Variants in CSNK1D observed in about 807,000 individuals in gnomAD.
CSNK1D encodes casein kinase 1 delta.
Under a neutral mutation model 46.6 loss-of-function variants are expected in CSNK1D, and 16 were observed. That is an observed-to-expected ratio of 0.34 (90% CI 0.23 to 0.52). The LOEUF is 0.52. Among genes scored for constraint, CSNK1D ranks in the 20% least tolerant of loss-of-function variants. CSNK1D has a pLI of 0.95. For synonymous variants in CSNK1D, 276 were observed against 228.2 expected (o/e 1.21, Z -1.89); for missense variants, 398 against 578.4 (o/e 0.69, Z 3.20).
At chr17:82,259,893 AACTGATGGTGTACTGAGTGATGTG>A (rs1025214438) in intron 2 of CSNK1D, among the ~76,000 whole-genome samples, 8 of 152,130 alleles carry the variant, frequency 5.3e-5, no homozygotes, top group African/African-American at 7.3e-5. Context: ...GATCCATCTG[AACTGATGGTGTACTGAGTGATGTG>A]ACTGATGGTG....
rs1455080175 is a variant in CSNK1D, at chr17:82,250,034, G to A, written c.886-432C>T. On this transcript the variant is annotated intron_variant, in intron 6 of 8. Coordinates refer to ENST00000314028, the MANE Select transcript of CSNK1D (RefSeq NM_001893.6). The surrounding 1 kb of genome is among the most constrained non-coding windows in gnomAD (Gnocchi z 4.6). ...TGGGGATGAGAGCGTTTGGTCGGAC[G>A]AGGAGTACACTCAGGGTCCGGACCC... 4 of 1,257,246 alleles carry A rather than the reference G, an allele frequency of 3.2e-6. No homozygotes were observed. Among genetic ancestry groups the A allele is most frequent in the Admixed American group, 2.5e-5 (1 of 39,954 alleles). The allele number at this position is 1,257,246 out of a possible 1,614,324, so 77.9% of individuals were successfully genotyped here.
chr17:82,247,741 C>T (rs1022973234), intron 8 of CSNK1D: 2 of 985,422 alleles, frequency 2.0e-6, no homozygotes, highest in African/African-American at 1.7e-5. Context: ...GACCCATTCT[C>T]GTGACGCAGC....
At position 82,265,743 on chromosome 17, in the gene CSNK1D, T is replaced by C. The variant is rs104894561; in HGVS notation, c.130A>G (p.Thr44Ala). 1.9e-6 allele frequency: 3 copies of C among 1,613,994 alleles called. No homozygotes were observed. The highest frequency in any genetic ancestry group is 2.5e-6 in the Non-Finnish European group (3 of 1,180,020). ...EVAIKLECVK[T>A]KHPQLHIESK... ...TCAATGTGGAGCTGAGGGTGTTTGG[T>C]TTTGACACATTCAAGCTTGATGGCA... The change falls in exon 2 of 9, where the codon ACC (threonine) becomes GCC (alanine). Residue 44 changes from threonine (T) to alanine (A), a missense_variant. Thr to Ala is a moderately conservative substitution (Grantham distance 58). Around this residue, in one of 2 missense-constraint regions of CSNK1D, gnomAD observed 217 missense variants for 370.3 expected, o/e 0.59. Transcript: ENST00000314028.
At chr17:82,262,156 A>G (rs1324229597) in intron 2 of CSNK1D, among the ~76,000 whole-genome samples, 1 of 152,168 alleles carries the variant, frequency 6.6e-6, no homozygotes, top group African/African-American at 2.4e-5. Flanking sequence ...TCAGGTATTG[A>G]ATCTATTGTC....
chr17:82,249,459 G>T lies in CSNK1D; in HGVS notation c.1029C>A (p.Pro343=), dbSNP rs1483921891. 16 of 1,539,776 alleles carry T rather than the reference G, an allele frequency of 1.0e-5. No individual in the cohort carries two copies. The highest frequency in any genetic ancestry group is 3.9e-5 in the Admixed American group (2 of 50,948). The change falls in exon 7 of 9, where the codon CCC becomes CCA. Residue 343 remains proline, a synonymous_variant. Coordinates refer to ENST00000314028, the MANE Select transcript of CSNK1D (RefSeq NM_001893.6). This position sits in a 1 kb window ranked among gnomAD's most constrained non-coding sequence, Gnocchi z 6.7. ...RLRGTQEVAP[P]TPLTPTSHTA... is the part of the protein sequence containing the mutation. ...TGTGTGAGGTAGGGGTGAGGGGTGTGGGGGGAGCCACTTCCTGCGTCCCCC... is the reference window on the plus strand; with the variant it reads ...TGTGTGAGGTAGGGGTGAGGGGTGTTGGGGGAGCCACTTCCTGCGTCCCCC...
intron 2 of CSNK1D, chr17:82,261,098 G>T (rs947313610): frequency 6.5e-6 from 1 of 155,000 alleles, no homozygotes; most frequent in Non-Finnish European, 1.5e-5. Flanking sequence ...TTTGTTAGCT[G>T]TAAGTAACAA....
At chr17:82,240,731 G>A (rs941387704), downstream of CSNK1D, among the ~76,000 whole-genome samples, 3 of 152,184 alleles carry the variant, frequency 2.0e-5, no homozygotes, top group Non-Finnish European at 2.9e-5. Context: ...CTGAGGGACC[G>A]TGCTCAGTGA....
intron 2 of CSNK1D, among the ~76,000 whole-genome samples, chr17:82,256,747 T>C (rs2051184969): frequency 6.6e-6 from 1 of 151,988 alleles, no homozygotes; most frequent in Non-Finnish European, 1.5e-5. Context: ...CGTCCTTTGG[T>C]CCTATTTTTT....
rs1320515466 is a variant in CSNK1D, at chr17:82,255,172, G to C, written c.336+257C>G. ...GTGAGCTGGGCCGCCGGAGCCTCGA[G>C]AAGCCAGTGAGCTGGGCCGCCGGAG... On this transcript the variant is annotated intron_variant, in intron 3 of 8. Coordinates refer to ENST00000314028, the MANE Select transcript of CSNK1D (RefSeq NM_001893.6). The surrounding 1 kb of genome is among the most constrained non-coding windows in gnomAD (Gnocchi z 5.9). 1.9e-6 allele frequency: 1 copy of C among 513,474 alleles called. No individual in the cohort carries two copies. Among genetic ancestry groups the C allele is most frequent in the African/African-American group, 2.0e-5 (1 of 49,468 alleles). 31.8% of individuals were successfully genotyped at this position (513,474 alleles called of 1,614,324 possible).
downstream of CSNK1D, among the ~76,000 whole-genome samples, chr17:82,240,320 C>T (rs561614384): frequency 2.0e-4 from 30 of 152,000 alleles, no homozygotes; most frequent in Non-Finnish European, 3.5e-4. Context: ...GGGAGAAAGA[C>T]GAGGAGGCAG....
Position 82,252,921 on chromosome 17 carries a change from G to A in CSNK1D, c.565+95C>T. 8.5e-7 allele frequency: 1 copy of A among 1,176,280 alleles called. No individual in the cohort carries two copies. The highest frequency in any genetic ancestry group is 1.9e-5 in the Admixed American group (1 of 52,080). 72.9% of individuals were successfully genotyped at this position (1,176,280 alleles called of 1,614,324 possible). ...GCAAAGGTCTGATGACACGCTTGCA[G>A]CCCCAGCTCCCCGAGAGGCTGGCCT... On this transcript the variant is annotated intron_variant, in intron 4 of 8. Coordinates refer to ENST00000314028, the MANE Select transcript of CSNK1D (RefSeq NM_001893.6). This position sits in a 1 kb window ranked among gnomAD's most constrained non-coding sequence, Gnocchi z 4.6.
chr17:82,271,094 G>T (rs1304308319), intron 1 of CSNK1D, among the ~76,000 whole-genome samples: 1 of 152,114 alleles, frequency 6.6e-6, no homozygotes, highest in Non-Finnish European at 1.5e-5. Context: ...TTTATTTTTT[G>T]AGACAGAGTC....
In CSNK1D at chr17:82,243,122, C is replaced by T. The variant is rs1032966842; in HGVS notation, c.*1659G>A. 7 of 985,550 alleles carry T rather than the reference C, an allele frequency of 7.1e-6. No individual in the cohort carries two copies. In the South Asian group the frequency reaches 1.9e-4, roughly 26 times the overall value. 61.1% of individuals were successfully genotyped at this position (985,550 alleles called of 1,614,324 possible). Reference sequence around the variant, plus strand: ...CCGCTCAAGGCCCCGTACTCCAAAACGCTTACACAGTAACCAGCCTAGGAT... The same window carrying T: ...CCGCTCAAGGCCCCGTACTCCAAAATGCTTACACAGTAACCAGCCTAGGAT... On this transcript the variant is annotated 3_prime_UTR_variant, in exon 9 of 9. Coordinates refer to ENST00000314028, the MANE Select transcript of CSNK1D (RefSeq NM_001893.6).
In CSNK1D at chr17:82,247,566, G is replaced by A. The variant is rs1379371856; in HGVS notation, c.1197+1309C>T. On this transcript the variant is annotated intron_variant, in intron 8 of 8. Coordinates refer to ENST00000314028, the MANE Select transcript of CSNK1D (RefSeq NM_001893.6). ...CTCTGGGCTCCTGTACCATGGTTCA[G>A]GGGCTACAGAGCCAGCCGCACATCA... 9.1e-6 allele frequency: 9 copies of A among 985,358 alleles called. No homozygotes were observed. In the Admixed American group the frequency reaches 4.9e-4, roughly 54 times the overall value. 61.0% of individuals were successfully genotyped at this position (985,358 alleles called of 1,614,324 possible).
At chr17:82,270,092 G>T (rs1370159326) in intron 1 of CSNK1D, among the ~76,000 whole-genome samples, 1 of 152,250 alleles carries the variant, frequency 6.6e-6, no homozygotes, top group East Asian at 1.9e-4. Context: ...CCCTCCTGAA[G>T]GGCCTTGCGG....
In CSNK1D at chr17:82,243,220, G is replaced by A. The variant is rs577211378; in HGVS notation, c.*1561C>T. 8.1e-5 allele frequency: 80 copies of A among 985,518 alleles called. No homozygotes were observed. The highest frequency in any genetic ancestry group is 5.2e-4 in the Middle Eastern group (1 of 1,938). The allele number at this position is 985,518 out of a possible 1,614,324, so 61.0% of individuals were successfully genotyped here. A position where few individuals can be genotyped will look rare whatever the true frequency, so the allele number is the denominator to read the frequency against. ...GGGGTGAACAACTGTGTTCTGGGAC[G>A]CCAGCCAGTTATGGCATCCGGGGAA... On this transcript the variant is annotated 3_prime_UTR_variant, in exon 9 of 9. Coordinates refer to ENST00000314028, the MANE Select transcript of CSNK1D (RefSeq NM_001893.6).
At chr17:82,261,560 A>G (rs906237150) in intron 2 of CSNK1D, among the ~76,000 whole-genome samples, 2 of 152,240 alleles carry the variant, frequency 1.3e-5, no homozygotes, top group African/African-American at 2.4e-5. Flanking sequence ...AATGATTTAT[A>G]TAACTAAAAT....
Position 82,244,600 on chromosome 17 carries a change from A to G in CSNK1D, c.*181T>C, listed in dbSNP as rs934188617. 6 of 1,518,352 alleles carry G rather than the reference A, an allele frequency of 4.0e-6. No homozygotes were observed. In the African/African-American group the frequency reaches 5.5e-5, roughly 14 times the overall value. 94.1% of individuals were successfully genotyped at this position (1,518,352 alleles called of 1,614,324 possible). A position where few individuals can be genotyped will look rare whatever the true frequency, so the allele number is the denominator to read the frequency against. ...GCCGCAGTGCAGCCCCAGCGGTGGCAGCTCTTGGAGTCTGTCCGTTTAGTA... is the reference window on the plus strand; with the variant it reads ...GCCGCAGTGCAGCCCCAGCGGTGGCGGCTCTTGGAGTCTGTCCGTTTAGTA... On this transcript the variant is annotated 3_prime_UTR_variant, in exon 9 of 9. Coordinates refer to ENST00000314028, the MANE Select transcript of CSNK1D (RefSeq NM_001893.6).
intron 1 of CSNK1D, among the ~76,000 whole-genome samples, chr17:82,268,323 C>A (rs1417611161): frequency 6.6e-6 from 1 of 152,244 alleles, no homozygotes; most frequent in Non-Finnish European, 1.5e-5. Flanking sequence ...CCTCGCCCAC[C>A]GGGGGCACCC....
Sources: gnomAD v4.1 joint callset for allele counts (sites outside exome capture counted in the v4.1 genomes callset) on GRCh38, gnomAD v4.1.1 for gene constraint, gnomAD v4.1.1 regional missense constraint, Gnocchi (gnomAD v3.1) non-coding constraint, MANE v1.5 for transcripts, NCBI Gene and HGNC (gene_info 2026-07-23, HGNC 2026-07-21) for gene names.